The following CSMD1 variants were observed in gnomAD, a reference collection of about 807,000 sequenced individuals.
CSMD1 encodes CUB and Sushi multiple domains 1.
In CSMD1, 213 loss-of-function variants were observed where a neutral mutation model predicts 417.5. That is an observed-to-expected ratio of 0.51 (90% CI 0.46 to 0.57). The LOEUF is 0.57. Ranked by LOEUF, CSMD1 falls within the 20% of genes least tolerant of loss-of-function variation. The pLI, the probability that CSMD1 is intolerant of heterozygous loss-of-function variation, is 0.00. For synonymous variants in CSMD1, 2,862 were observed against 1,736.8 expected (o/e 1.65, Z -16.11); for missense variants, 6,923 against 4,529.7 (o/e 1.53, Z -15.17).
rs79843795 is a variant in CSMD1 at position 4,414,637 on chromosome 8, G to C, written c.415+5316C>G. Among the ~76,000 whole-genome samples the C allele has an allele frequency of 4.7e-4, 72 of 152,170 alleles. 4 individuals carry two copies. The East Asian group carries it at 0.013, about 27-fold the overall frequency. ...TCTGCATGCGTGGGTGTGTTCACTAGAAAGAAAATCAAATTCAAATTTTTC... is the reference window on the plus strand; with the variant it reads ...TCTGCATGCGTGGGTGTGTTCACTACAAAGAAAATCAAATTCAAATTTTTC... On this transcript the variant is annotated intron_variant, in intron 3 of 69. Coordinates refer to ENST00000635120, the MANE Select transcript of CSMD1 (RefSeq NM_033225.6).
intron 49 of CSMD1, among the ~76,000 whole-genome samples, chr8:3,071,714 C>T (rs1033692676): frequency 9.9e-5 from 15 of 152,200 alleles, no homozygotes; most frequent in Admixed American, 2.6e-4. Flanking sequence ...CATTCATCAA[C>T]ACCATTACAG....
chr8:4,300,776 C>A (rs557098291), intron 3 of CSMD1, among the ~76,000 whole-genome samples: 1 of 152,250 alleles, frequency 6.6e-6, no homozygotes, highest in African/African-American at 2.4e-5. Flanking sequence ...TGGGTGAGAA[C>A]ATGCAGTGTT....
intron 10 of CSMD1, among the ~76,000 whole-genome samples, chr8:3,510,645 C>A (rs139408054): frequency 6.6e-6 from 1 of 151,556 alleles, no homozygotes; most frequent in Non-Finnish European, 1.5e-5. Context: ...ATAAAAAAAT[C>A]ACATTTCAGA....
chr8:4,125,218 G>A (rs760220459), intron 3 of CSMD1, among the ~76,000 whole-genome samples: 6 of 152,154 alleles, frequency 3.9e-5, no homozygotes, highest in Non-Finnish European at 8.8e-5. Flanking sequence ...AGGTCGAGCT[G>A]GGAACTGCTT....
chr8:4,293,083 C>A (rs1007073549), intron 3 of CSMD1, among the ~76,000 whole-genome samples: 1 of 152,192 alleles, frequency 6.6e-6, no homozygotes, highest in Non-Finnish European at 1.5e-5. Flanking sequence ...GAACCATGCA[C>A]TGCACATGCG....
chr8:3,461,065 G>C (rs565046363), intron 12 of CSMD1, among the ~76,000 whole-genome samples: 1 of 152,146 alleles, frequency 6.6e-6, no homozygotes, highest in Non-Finnish European at 1.5e-5. Flanking sequence ...CATGTGACAC[G>C]ACTCTTTCCC....
chr8:4,454,447 C>A (rs569966074), intron 2 of CSMD1, among the ~76,000 whole-genome samples: 2 of 152,350 alleles, frequency 1.3e-5, no homozygotes, highest in Admixed American at 1.3e-4. Context: ...TCTGGCTACA[C>A]CGCCGTTTGA....
At chr8:3,458,333 T>A (rs985583265) in intron 12 of CSMD1, among the ~76,000 whole-genome samples, 4 of 152,204 alleles carry the variant, frequency 2.6e-5, no homozygotes, top group Non-Finnish European at 4.4e-5. Flanking sequence ...TAATGGCTTA[T>A]CTCACATTAT....
chr8:4,771,200 G>A (rs982963778), intron 1 of CSMD1, among the ~76,000 whole-genome samples: 3 of 152,158 alleles, frequency 2.0e-5, no homozygotes, highest in African/African-American at 7.2e-5. Flanking sequence ...AGGCCGCTTT[G>A]CCTAAAATTA....
chr8:3,877,467 C>G (rs1483833130), intron 5 of CSMD1, among the ~76,000 whole-genome samples: 1 of 152,168 alleles, frequency 6.6e-6, no homozygotes, highest in African/African-American at 2.4e-5. Flanking sequence ...GGCCCTACAG[C>G]TCTCTCAATT....
At chr8:4,418,349 C>A (rs1236295803) in intron 3 of CSMD1, among the ~76,000 whole-genome samples, 1 of 151,958 alleles carries the variant, frequency 6.6e-6, no homozygotes, top group African/African-American at 2.4e-5. Flanking sequence ...ACAATCTTGC[C>A]CTATTTTCTT....
chr8:4,328,505 G>C (rs979180108), intron 3 of CSMD1, among the ~76,000 whole-genome samples: 1 of 151,808 alleles, frequency 6.6e-6, no homozygotes, highest in Admixed American at 6.6e-5. Context: ...TACTCCTCCT[G>C]CTTTTTTGGT....
intron 2 of CSMD1, among the ~76,000 whole-genome samples, chr8:4,447,648 A>G (rs760879609): frequency 5.3e-5 from 8 of 152,328 alleles, no homozygotes; most frequent in Non-Finnish European, 1.0e-4. Context: ...GGTTTACGGA[A>G]AAGGAAGGAA....
In CSMD1 at chr8:4,588,380, T is replaced by C. The variant is rs548656356; in HGVS notation, c.302+48962A>G. On this transcript the variant is annotated intron_variant, in intron 2 of 69. Coordinates refer to ENST00000635120, the MANE Select transcript of CSMD1 (RefSeq NM_033225.6). ...TGGCTATGCTATCTAGAGACAGAGA[T>C]AAAGAACTATCTCATAAAGACAGAG... Among the ~76,000 whole-genome samples, 384 of 62,028 alleles carry C rather than the reference T, an allele frequency of 6.2e-3. 3 individuals are homozygous for C. Among genetic ancestry groups the C allele is most frequent in the African/African-American group, 0.019 (355 of 18,324 alleles). 40.7% of individuals were successfully genotyped at this position (62,028 alleles called of 152,430 possible).
intron 3 of CSMD1, among the ~76,000 whole-genome samples, chr8:4,169,085 G>C (rs969146463): frequency 5.9e-5 from 9 of 152,132 alleles, no homozygotes; most frequent in African/African-American, 1.9e-4. Context: ...CTGTAAGCCT[G>C]CTGGCTTAGT....
At chr8:4,383,898 A>C (rs1803269804) in intron 3 of CSMD1, among the ~76,000 whole-genome samples, 1 of 152,208 alleles carries the variant, frequency 6.6e-6, no homozygotes, top group South Asian at 2.1e-4. Flanking sequence ...TATTTTAGAT[A>C]CTCATAAATG....
At chr8:3,663,461 G>C (rs1402520663) in intron 7 of CSMD1, among the ~76,000 whole-genome samples, 3 of 152,102 alleles carry the variant, frequency 2.0e-5, no homozygotes, top group African/African-American at 7.2e-5. Flanking sequence ...CGATTTGATA[G>C]CCATAGGGAC....
intron 3 of CSMD1, among the ~76,000 whole-genome samples, chr8:4,192,964 T>C (rs1464219519): frequency 1.3e-5 from 2 of 152,240 alleles, no homozygotes; most frequent in African/African-American, 4.8e-5. Flanking sequence ...CCTATTTTCA[T>C]AATATTTGAG....
intron 2 of CSMD1, among the ~76,000 whole-genome samples, chr8:4,627,142 T>C (rs1210381111): frequency 6.6e-6 from 1 of 152,198 alleles, no homozygotes; most frequent in African/African-American, 2.4e-5. Flanking sequence ...TTTCAACTAA[T>C]ATTATGCGAT....
Sources: allele counts gnomAD v4.1 joint callset (sites outside exome capture counted in the v4.1 genomes callset), GRCh38; gene constraint gnomAD v4.1.1; transcripts MANE v1.5; gene names NCBI Gene and HGNC (gene_info 2026-07-23, HGNC 2026-07-21).